Variants in AQP5 observed in about 807,000 individuals in gnomAD.
AQP5 encodes aquaporin 5.
AQP5 carries 15 observed loss-of-function variants against 19.1 expected under a neutral mutation model. The ratio of observed to expected loss-of-function variants is 0.79; its 90% CI spans 0.53 to 1.21. The LOEUF (loss-of-function observed/expected upper bound fraction) is 1.21. Ranked by LOEUF, AQP5 falls within the 50% of genes most tolerant of loss-of-function variation. AQP5 has a pLI of 0.00. For missense variants in AQP5, 355 were observed against 357.1 expected (o/e 0.99, Z 0.05); for synonymous variants, 182 against 160.3 (o/e 1.14, Z -1.02).
In AQP5 at chr12:49,962,386, T is replaced by G. The variant is rs372046995; in HGVS notation, c.363+6T>G. The G allele has an allele frequency of 1.7e-3, 2,426 of 1,391,158 alleles. 3 individuals are homozygous for G. The highest frequency in any genetic ancestry group is 2.2e-3 in the Non-Finnish European group (2,353 of 1,075,114). The allele number at this position is 1,391,158 out of a possible 1,614,324, so 86.2% of individuals were successfully genotyped here. On this transcript the variant is annotated splice_donor_region_variant and intron_variant, in intron 1 of 3. Transcript: ENST00000293599. ...GCAATCTGGCCGTCAACGCGGTGAG[T>G]GCCCTGGGGGGGGGGTGGGAGCCTC...
In AQP5 at chr12:49,964,156, G is replaced by C. The variant is rs143584978; in HGVS notation, c.593G>C (p.Arg198Pro). The C allele has an allele frequency of 6.2e-7, 1 of 1,614,066 alleles. No individual in the cohort carries two copies. Among genetic ancestry groups the C allele is most frequent in the Non-Finnish European group, 8.5e-7 (1 of 1,179,992 alleles). The change falls in exon 3 of 4, where the codon CGG becomes CCG. Residue 198 changes from arginine (R) to proline (P), a missense_variant. By Grantham distance (103) the Arg-to-Pro change is moderately radical. Coordinates refer to ENST00000293599, the MANE Select transcript of AQP5 (RefSeq NM_001651.4). The stretch of plus-strand genomic sequence containing the variant: ...TTTGGCCCTGCGGTGGTCATGAATC[G>C]GTTCAGCCCCGCTCACTGGGTGAGT... ...RSFGPAVVMN[R>P]FSPAHWVFWV... is the part of the protein sequence containing the mutation.
chr12:49,961,943 T>C lies in AQP5; in HGVS notation c.-75T>C, dbSNP rs947430046. ...CAGCCAGGCCCCCGCCCCCGCCGCA[T>C]CCACCTCCTCCGCCGCCTGCGACCC... On this transcript the variant is annotated 5_prime_UTR_variant, in exon 1 of 4. Coordinates refer to ENST00000293599, the MANE Select transcript of AQP5 (RefSeq NM_001651.4). 9.8e-7 allele frequency: 1 copy of C among 1,023,236 alleles called. No homozygotes were observed. The highest frequency in any genetic ancestry group is 1.7e-5 in the African/African-American group (1 of 59,016). 63.4% of individuals were successfully genotyped at this position (1,023,236 alleles called of 1,614,324 possible). A position where few individuals can be genotyped will look rare whatever the true frequency, so the allele number is the denominator to read the frequency against.
At position 49,964,157 on chromosome 12, in the gene AQP5, G is replaced by A. The variant is rs530297960; in HGVS notation, c.594G>A (p.Arg198=). The A allele has an allele frequency of 6.8e-6, 11 of 1,614,080 alleles. No individual in the cohort carries two copies. Among genetic ancestry groups the A allele is most frequent in the Non-Finnish European group, 9.3e-6 (11 of 1,179,994 alleles). ...TTGGCCCTGCGGTGGTCATGAATCG[G>A]TTCAGCCCCGCTCACTGGGTGAGTC... ...RSFGPAVVMN[R]FSPAHWVFWV... Residue 198 remains arginine, a synonymous_variant, in exon 3 of 4, where the codon CGG becomes CGA. Transcript: ENST00000293599.
At chr12:49,963,358 G>A in intron 1 of AQP5, 134 bp from the exon 2 acceptor site, 1 of 1,200,144 alleles carries the variant, frequency 8.3e-7, no homozygotes, top group Non-Finnish European at 1.2e-6. Context: ...CTTCGCTGGG[G>A]CGATGTCCAC....
Position 49,961,900 on chromosome 12 carries a change from A to C in AQP5, c.-118A>C. ...CCGCCAGCCTCGGAGTGGGCGCGGGACAGTGCGCGGCGCCCCGCAGCCAGG... is the reference window on the plus strand; with the variant it reads ...CCGCCAGCCTCGGAGTGGGCGCGGGCCAGTGCGCGGCGCCCCGCAGCCAGG... On this transcript the variant is annotated 5_prime_UTR_variant, in exon 1 of 4. Coordinates refer to ENST00000293599, the MANE Select transcript of AQP5 (RefSeq NM_001651.4). The C allele has an allele frequency of 2.1e-6, 1 of 482,976 alleles. No individual in the cohort carries two copies. The highest frequency in any genetic ancestry group is 2.8e-6 in the Non-Finnish European group (1 of 355,136). The allele number at this position is 482,976 out of a possible 1,614,324, so 29.9% of individuals were successfully genotyped here. A position where few individuals can be genotyped will look rare whatever the true frequency, so the allele number is the denominator to read the frequency against.
In AQP5 at chr12:49,964,949, G is replaced by C. The variant is rs750976501; in HGVS notation, c.613-43G>C. The C allele has an allele frequency of 3.8e-6, 6 of 1,581,590 alleles. No homozygotes were observed. In the East Asian group the frequency reaches 1.3e-4, roughly 35 times the overall value. On this transcript the variant is annotated intron_variant, in intron 3 of 3. Transcript: ENST00000293599. Reference sequence around the variant, plus strand: ...GGGGTGGGGGGCATGTGGTCTTCAAGGTCTGGGGCTCAGCGCCCTGACTCC... The same window carrying C: ...GGGGTGGGGGGCATGTGGTCTTCAACGTCTGGGGCTCAGCGCCCTGACTCC...
Position 49,965,207 on chromosome 12 carries a change from C to A in AQP5, c.*30C>A. On this transcript the variant is annotated 3_prime_UTR_variant, in exon 4 of 4. Coordinates refer to ENST00000293599, the MANE Select transcript of AQP5 (RefSeq NM_001651.4). ...TGTCAGGCAGGGGCCAGCCCCTCAG[C>A]CCCTGAGCCAAGGGGGAAAAGAAGA... 1 of 1,559,582 alleles carries A rather than the reference C, an allele frequency of 6.4e-7. No homozygotes were observed. Among genetic ancestry groups the A allele is most frequent in the Non-Finnish European group, 8.7e-7 (1 of 1,155,614 alleles).
Position 49,965,152 on chromosome 12 carries a change from AGACCATGGAGCT to A in AQP5, c.779_790del (p.Met260_Thr263del), listed in dbSNP as rs1947476313. 1 of 1,612,696 alleles carries A rather than the reference AGACCATGGAGCT, an allele frequency of 6.2e-7. No homozygotes were observed. The highest frequency in any genetic ancestry group is 1.7e-5 in the Admixed American group (1 of 59,914). On this transcript the variant is annotated inframe_deletion, in exon 4 of 4. Transcript: ENST00000293599. Reference sequence around the variant, plus strand: ...GAGGAGCAGCGGGAAGAGCGGAAGAAGACCATGGAGCTGACCACCCGCTGACCAGTGTCAGGC... The same window carrying A: ...GAGGAGCAGCGGGAAGAGCGGAAGAAGACCACCCGCTGACCAGTGTCAGGC...
At position 49,962,175 on chromosome 12, in the gene AQP5, T is replaced by C. The variant is rs1406235581; in HGVS notation, c.158T>C (p.Ile53Thr). ...ATCGCGCTGGCGTTTGGCCTGGCCA[T>C]AGGCACGCTGGCCCAGGCCCTGGGA... The part of the protein sequence containing the change: ...LQIALAFGLA[I>T]GTLAQALGPV... Residue 53 changes from isoleucine to threonine, a missense_variant, in exon 1 of 4, where the codon ATA (isoleucine) becomes ACA (threonine). Coordinates refer to ENST00000293599, the MANE Select transcript of AQP5 (RefSeq NM_001651.4). 1.2e-6 allele frequency: 2 copies of C among 1,611,082 alleles called. No individual in the cohort carries two copies. Among genetic ancestry groups the C allele is most frequent in the Non-Finnish European group, 1.7e-6 (2 of 1,179,800 alleles).
chr12:49,963,558 C>T lies in AQP5; in HGVS notation c.430C>T (p.Leu144Phe), dbSNP rs776312791. 2 of 1,613,916 alleles carry T rather than the reference C, an allele frequency of 1.2e-6. No individual in the cohort carries two copies. Among genetic ancestry groups the T allele is most frequent in the Admixed American group, 3.3e-5 (2 of 60,032 alleles). Residue 144 changes from leucine (L) to phenylalanine (F), a missense_variant, in exon 2 of 4, where the codon CTC (leucine) becomes TTC (phenylalanine). Coordinates refer to ENST00000293599, the MANE Select transcript of AQP5 (RefSeq NM_001651.4). ...GCTGATTCTGACCTTCCAGCTGGCA[C>T]TCTGCATCTTCGCCTCCACTGACTC... ...VELILTFQLA[L>F]CIFASTDSRR... is the part of the protein sequence containing the mutation.
Position 49,965,054 on chromosome 12 carries a change from C to A in AQP5, c.675C>A (p.Leu225=), listed in dbSNP as rs1348732306. ...VLAAILYFYL[L]FPNSLSLSER... ...CTGCCATCCTTTACTTCTACCTGCTCTTCCCCAACTCCCTGAGCCTGAGTG... is the reference window on the plus strand; with the variant it reads ...CTGCCATCCTTTACTTCTACCTGCTATTCCCCAACTCCCTGAGCCTGAGTG... Residue 225 remains leucine (L), a synonymous_variant, in exon 4 of 4, where the codon CTC becomes CTA. Transcript: ENST00000293599. The A allele has an allele frequency of 1.2e-6, 2 of 1,614,072 alleles. No individual in the cohort carries two copies. The highest frequency in any genetic ancestry group is 1.7e-6 in the Non-Finnish European group (2 of 1,180,006).
rs182296829 is a variant in AQP5 at position 49,964,186 on chromosome 12, C to T, written c.612+11C>T. The T allele has an allele frequency of 1.9e-5, 30 of 1,613,052 alleles. No homozygotes were observed. The East Asian group carries it at 5.3e-4, about 29-fold the overall frequency. ...AGCCCCGCTCACTGGGTGAGTCTGT[C>T]CCTTCCCCTGGCTCCCTGGAGATGA... On this transcript the variant is annotated intron_variant, in intron 3 of 3. Transcript: ENST00000293599.
Position 49,962,390 on chromosome 12 carries a change from C to A in AQP5, c.363+10C>A. On this transcript the variant is annotated intron_variant, in intron 1 of 3. Transcript: ENST00000293599. ...TCTGGCCGTCAACGCGGTGAGTGCCCTGGGGGGGGGGTGGGAGCCTCGACC... is the reference window on the plus strand; with the variant it reads ...TCTGGCCGTCAACGCGGTGAGTGCCATGGGGGGGGGGTGGGAGCCTCGACC... 7.2e-7 allele frequency: 1 copy of A among 1,380,040 alleles called. No homozygotes were observed. The highest frequency in any genetic ancestry group is 1.3e-5 in the South Asian group (1 of 78,310). 85.5% of individuals were successfully genotyped at this position (1,380,040 alleles called of 1,614,324 possible). A position where few individuals can be genotyped will look rare whatever the true frequency, so the allele number is the denominator to read the frequency against.
At chr12:49,963,345 T>C in intron 1 of AQP5, 147 bp from the exon 2 acceptor site, 1 of 1,068,022 alleles carries the variant, frequency 9.4e-7, no homozygotes, top group Non-Finnish European at 1.4e-6. Context: ...CTTTAACAAA[T>C]GGCTTCGCTG....
chr12:49,962,400 G>A lies in AQP5; in HGVS notation c.363+20G>A, dbSNP rs753617700. 1.4e-5 allele frequency: 21 copies of A among 1,509,210 alleles called. No homozygotes were observed. The East Asian group carries it at 3.2e-4, about 23-fold the overall frequency. The allele number at this position is 1,509,210 out of a possible 1,614,324, so 93.5% of individuals were successfully genotyped here. A position where few individuals can be genotyped will look rare whatever the true frequency, so the allele number is the denominator to read the frequency against. The stretch of plus-strand genomic sequence containing the variant: ...AACGCGGTGAGTGCCCTGGGGGGGG[G>A]GTGGGAGCCTCGACCCTGGGGTGGG... On this transcript the variant is annotated intron_variant, in intron 1 of 3. Transcript: ENST00000293599.
chr12:49,965,428 C>T lies in AQP5; in HGVS notation c.*251C>T. 2.6e-6 allele frequency: 1 copy of T among 377,526 alleles called. No individual in the cohort carries two copies. Among genetic ancestry groups the T allele is most frequent in the Non-Finnish European group, 4.7e-6 (1 of 212,958 alleles). 23.4% of individuals were successfully genotyped at this position (377,526 alleles called of 1,614,324 possible). On this transcript the variant is annotated 3_prime_UTR_variant, in exon 4 of 4. Transcript: ENST00000293599. ...ACCTCAGAGATTGTGAATGCAGTGC[C>T]AAGCTCACAGGCTGCAAGGGCCAGG...
intron 1 of AQP5, chr12:49,962,963 C>G (rs1300538782): frequency 5.9e-6 from 1 of 168,880 alleles, no homozygotes; most frequent in Admixed American, 5.6e-5. Context: ...CCCTCAACCC[C>G]GCACCCCTGC....
intron 3 of AQP5, among the ~76,000 whole-genome samples, chr12:49,964,434 A>T (rs1198427297): frequency 5.9e-5 from 9 of 151,660 alleles, no homozygotes; most frequent in Non-Finnish European, 8.8e-5. Flanking sequence ...CTGAACCTGG[A>T]GGTGCAGAGG....
chr12:49,962,495 A>ACCAGGCAGGCAAGAGCCTCCCAAGG (rs1947438872), intron 1 of AQP5, 115 bp downstream of exon 1: 1 of 1,014,538 alleles, frequency 9.9e-7, no homozygotes, highest in Admixed American at 3.7e-5. Flanking sequence ...CACACCCTTC[A>ACCAGGCAGGCAAGAGCCTCCCAAGG]CCAGGAAGGC....
Sources: gnomAD v4.1 joint callset for allele counts (sites outside exome capture counted in the v4.1 genomes callset) on GRCh38, gnomAD v4.1.1 for gene constraint, MANE v1.5 for transcripts, NCBI Gene and HGNC (gene_info 2026-07-23, HGNC 2026-07-21) for gene names.